The following GRIP1 variants were observed in gnomAD, a reference collection of about 807,000 sequenced individuals.
GRIP1 encodes glutamate receptor-interacting protein 1.
Under a neutral mutation model 129.9 loss-of-function variants are expected in GRIP1, and 45 were observed. That is an observed-to-expected ratio of 0.35 (90% CI 0.27 to 0.44). GRIP1 has a LOEUF of 0.44. Among genes scored for constraint, GRIP1 ranks in the 20% least tolerant of loss-of-function variants. GRIP1 has a pLI of 1.00. For missense variants in GRIP1, 1,196 were observed against 1,396.8 expected (o/e 0.86, Z 2.29); for synonymous variants, 530 against 520.8 (o/e 1.02, Z -0.24).
chr12:66,810,046 T>C (rs1371806203), intron 1 of GRIP1, among the ~76,000 whole-genome samples: 3 of 152,154 alleles, frequency 2.0e-5, no homozygotes, highest in Non-Finnish European at 2.9e-5. Flanking sequence ...ACAGAAAATA[T>C]AGTTAAATCC....
At chr12:66,803,697 C>A (rs1308442086) in intron 1 of GRIP1, among the ~76,000 whole-genome samples, 1 of 152,190 alleles carries the variant, frequency 6.6e-6, no homozygotes. Flanking sequence ...TCCAAATGAG[C>A]TAGCCTTCCC....
chr12:66,858,306 A>G (rs541774302), intron 1 of GRIP1, among the ~76,000 whole-genome samples: 17 of 152,056 alleles, frequency 1.1e-4, no homozygotes, highest in Admixed American at 1.1e-3. Flanking sequence ...TGGCACTCTT[A>G]CTGCTTCTTT....
chr12:66,529,146 G>A (rs1339520476), intron 5 of GRIP1, among the ~76,000 whole-genome samples: 1 of 152,018 alleles, frequency 6.6e-6, no homozygotes, highest in Non-Finnish European at 1.5e-5. Flanking sequence ...AAAAAAAAAT[G>A]TTGACGTGGA....
chr12:66,872,619 AC>A lies in GRIP1; in HGVS notation c.58+196430del, dbSNP rs577127008. Among the ~76,000 whole-genome samples the A allele has an allele frequency of 4.4e-3, 669 of 152,176 alleles. 5 individuals carry two copies. Among genetic ancestry groups the A allele is most frequent in the African/African-American group, 0.013 (552 of 41,540 alleles). Reference sequence around the variant, plus strand: ...GTAACAGTAAAATATATATAAAAAAACATCTGGTGCTTCAAAGTGACAGTTG... The same window carrying A: ...GTAACAGTAAAATATATATAAAAAAAATCTGGTGCTTCAAAGTGACAGTTG... On this transcript the variant is annotated intron_variant, in intron 1 of 1. Coordinates refer to the GRIP1 transcript ENST00000643019.
At chr12:66,667,555 A>G (rs1226746349) in intron 1 of GRIP1, among the ~76,000 whole-genome samples, 2 of 152,154 alleles carry the variant, frequency 1.3e-5, no homozygotes, top group Admixed American at 6.5e-5. Context: ...TTATAGCACT[A>G]TGTTTTCTTA....
chr12:66,509,459 C>G (rs750730613), intron 7 of GRIP1, among the ~76,000 whole-genome samples: 2 of 152,154 alleles, frequency 1.3e-5, no homozygotes, highest in Non-Finnish European at 2.9e-5. Flanking sequence ...CCAAATTTGT[C>G]TGACTTTAAA....
At chr12:66,649,128 T>G (rs1212142474) in intron 1 of GRIP1, among the ~76,000 whole-genome samples, 3 of 152,182 alleles carry the variant, frequency 2.0e-5, no homozygotes, top group Admixed American at 6.5e-5. Context: ...TTCTTAACTG[T>G]ATATCAAATA....
chr12:66,857,077 C>T (rs1377997248), intron 1 of GRIP1, among the ~76,000 whole-genome samples: 1 of 152,066 alleles, frequency 6.6e-6, no homozygotes, highest in East Asian at 1.9e-4. Flanking sequence ...TTTGTAGGGA[C>T]ATGGATGAAG....
At chr12:66,551,993 T>TG (rs1290492378) in intron 2 of GRIP1, among the ~76,000 whole-genome samples, 2 of 152,092 alleles carry the variant, frequency 1.3e-5, no homozygotes, top group Non-Finnish European at 2.9e-5. Flanking sequence ...CAACAAGGGA[T>TG]GGGAGCAGCT....
chr12:66,633,941 C>G (rs1032207493), intron 1 of GRIP1, among the ~76,000 whole-genome samples: 1 of 152,164 alleles, frequency 6.6e-6, no homozygotes, highest in Non-Finnish European at 1.5e-5. Flanking sequence ...CCAGGATAAC[C>G]CTCAGGTGGA....
In GRIP1 at chr12:66,406,307, T is replaced by C. The variant is rs377126535; in HGVS notation, c.1960A>G (p.Ile654Val). 1.2e-6 allele frequency: 2 copies of C among 1,613,990 alleles called. No homozygotes were observed. The highest frequency in any genetic ancestry group is 1.7e-6 in the Non-Finnish European group (2 of 1,179,970). ...CCTGAATTATCTTCATCTTTGCGGATTTTGAGCTTCACCAGGTCTTCACAT... is the reference window on the plus strand; with the variant it reads ...CCTGAATTATCTTCATCTTTGCGGACTTTGAGCTTCACCAGGTCTTCACAT... Reference protein sequence around the residue: ...QQCEDLVKLKIRKDEDNSDEQ... With the variant: ...QQCEDLVKLKVRKDEDNSDEQ... The change falls in exon 16 of 25, where the codon ATC becomes GTC. Residue 654 changes from isoleucine (I) to valine (V), a missense_variant. Transcript: ENST00000359742.
chr12:66,749,419 G>A (rs908780519), intron 1 of GRIP1, among the ~76,000 whole-genome samples: 4 of 152,136 alleles, frequency 2.6e-5, no homozygotes, highest in Non-Finnish European at 5.9e-5. Context: ...TGTGTACCAT[G>A]CAATGGCTCA....
At chr12:66,952,001 A>C (rs2041765250) in intron 1 of GRIP1, among the ~76,000 whole-genome samples, 1 of 152,232 alleles carries the variant, frequency 6.6e-6, no homozygotes, top group African/African-American at 2.4e-5. Context: ...TCTAATTTTG[A>C]AATTAATAGC....
chr12:66,987,745 A>G (rs2042333757), intron 1 of GRIP1, among the ~76,000 whole-genome samples: 1 of 152,180 alleles, frequency 6.6e-6, no homozygotes, highest in Non-Finnish European at 1.5e-5. Context: ...AAAGAGTAGT[A>G]CTCACTCATT....
intron 1 of GRIP1, among the ~76,000 whole-genome samples, chr12:66,911,310 AT>A (rs1401294440): frequency 6.6e-6 from 1 of 152,174 alleles, no homozygotes; most frequent in Non-Finnish European, 1.5e-5. Flanking sequence ...TTAGAAAAAA[AT>A]TTTTAAAGGC....
intron 7 of GRIP1, among the ~76,000 whole-genome samples, chr12:66,510,987 A>C (rs1384400893): frequency 6.6e-6 from 1 of 152,174 alleles, no homozygotes; most frequent in East Asian, 1.9e-4. Flanking sequence ...AGAATGAAAC[A>C]GGCAGAGAAT....
intron 23 of GRIP1, among the ~76,000 whole-genome samples, chr12:66,367,124 T>C (rs2055198313): frequency 6.6e-6 from 1 of 152,192 alleles, no homozygotes; most frequent in Non-Finnish European, 1.5e-5. Flanking sequence ...CCAAAGGATA[T>C]TTAAGCTTCA....
chr12:66,443,577 C>T (rs761040638), intron 13 of GRIP1, among the ~76,000 whole-genome samples: 1 of 152,006 alleles, frequency 6.6e-6, no homozygotes, highest in Non-Finnish European at 1.5e-5. Context: ...GCCTCAACCT[C>T]CCAAGTAGCT....
At chr12:66,780,303 T>C (rs1338102711) in intron 1 of GRIP1, among the ~76,000 whole-genome samples, 2 of 152,180 alleles carry the variant, frequency 1.3e-5, no homozygotes, top group African/African-American at 4.8e-5. Flanking sequence ...AACCTCCAAA[T>C]AGTCAGCAGG....
Sources: allele counts gnomAD v4.1 joint callset (sites outside exome capture counted in the v4.1 genomes callset), GRCh38; gene constraint gnomAD v4.1.1; transcripts MANE v1.5; gene names NCBI Gene and HGNC (gene_info 2026-07-23, HGNC 2026-07-21).